The following ACAD11 variants were observed in gnomAD, a reference collection of about 807,000 sequenced individuals.
ACAD11 encodes the protein acyl-Coenzyme A dehydrogenase family, member 11.
ACAD11 carries 83 observed loss-of-function variants against 102.2 expected under a neutral mutation model. The observed-to-expected ratio is 0.81, with a 90% CI of 0.68 to 0.97. ACAD11 has a LOEUF of 0.97. Ranked by LOEUF, ACAD11 falls within the 50% of genes least tolerant of loss-of-function variation. The pLI, the probability that ACAD11 is intolerant of heterozygous loss-of-function variation, is 0.00. For missense variants in ACAD11, 901 were observed against 951.7 expected, an observed-to-expected ratio of 0.95 and a Z score of 0.70; for synonymous variants, 324 against 319.8, an observed-to-expected ratio of 1.01 and a Z score of -0.14.
At chr3:132,637,188 AAATAAT>A (rs886842715) in intron 5 of ACAD11, among the ~76,000 whole-genome samples, 19 of 152,248 alleles carry the variant, frequency 1.2e-4, no homozygotes, top group Admixed American at 9.2e-4. Context: ...ATAAAAAGTA[AAATAAT>A]AATAATAATG....
chr3:132,635,381 C>T (rs1256771976), intron 5 of ACAD11, among the ~76,000 whole-genome samples: 1 of 151,998 alleles, frequency 6.6e-6, no homozygotes, highest in East Asian at 1.9e-4. Context: ...AACTGCAGAC[C>T]CCATTTGGGT....
chr3:132,644,680 A>G (rs1940651476), intron 2 of ACAD11, 117 bp downstream of exon 2: 1 of 439,790 alleles, frequency 2.3e-6, no homozygotes, highest in Non-Finnish European at 3.9e-6. Context: ...TAGAAATAAA[A>G]TATATTTTAT....
At chr3:132,636,406 C>A (rs559774836) in intron 5 of ACAD11, among the ~76,000 whole-genome samples, 1 of 152,044 alleles carries the variant, frequency 6.6e-6, no homozygotes, top group East Asian at 1.9e-4. Context: ...ACTTTTTACA[C>A]CATTGAATTT....
At chr3:132,658,790 C>G (rs147355833) in intron 1 of ACAD11, among the ~76,000 whole-genome samples, 2 of 152,122 alleles carry the variant, frequency 1.3e-5, no homozygotes, top group Admixed American at 1.3e-4. Context: ...ACCACTAGCA[C>G]ACTATGTTGT....
chr3:132,574,058 C>T (rs1937456637), intron 17 of ACAD11, among the ~76,000 whole-genome samples: 1 of 152,212 alleles, frequency 6.6e-6, no homozygotes, highest in South Asian at 2.1e-4. Context: ...AAAAGCCAGG[C>T]TTGCTCTGCA....
chr3:132,620,903 CA>C (rs1312153283), intron 9 of ACAD11, among the ~76,000 whole-genome samples: 1 of 152,142 alleles, frequency 6.6e-6, no homozygotes, highest in Non-Finnish European at 1.5e-5. Context: ...AATTTGAAAA[CA>C]GTTACTCTGT....
intron 13 of ACAD11, among the ~76,000 whole-genome samples, chr3:132,585,332 C>T (rs1344355718): frequency 1.3e-5 from 2 of 152,136 alleles, no homozygotes; most frequent in African/African-American, 2.4e-5. Context: ...ACACCTTATA[C>T]AAAAATTAAT....
At chr3:132,581,027 A>G (rs991501781) in intron 13 of ACAD11, among the ~76,000 whole-genome samples, 1 of 152,018 alleles carries the variant, frequency 6.6e-6, no homozygotes, top group Admixed American at 6.6e-5. Context: ...AGAACTGAAG[A>G]AAAACATCTT....
In ACAD11 at chr3:132,603,223, A is replaced by G. The variant is rs1230150897; in HGVS notation, c.1621+6T>C. On this transcript the variant is annotated splice_donor_region_variant and intron_variant, in intron 13 of 19. Coordinates refer to ENST00000264990, the MANE Select transcript of ACAD11 (RefSeq NM_032169.5). Reference sequence around the variant, plus strand: ...GTTAGGTGAAAAAATTAGGCTGAACACTCACCACTGCTCCACCATTTTTTG... The same window carrying G: ...GTTAGGTGAAAAAATTAGGCTGAACGCTCACCACTGCTCCACCATTTTTTG... 1 of 1,612,652 alleles carries G rather than the reference A, an allele frequency of 6.2e-7. No homozygotes were observed. Among genetic ancestry groups the G allele is most frequent in the Non-Finnish European group, 8.5e-7 (1 of 1,178,802 alleles).
intron 17 of ACAD11, among the ~76,000 whole-genome samples, chr3:132,563,183 A>T (rs1323508171): frequency 5.3e-5 from 8 of 152,228 alleles, no homozygotes; most frequent in Non-Finnish European, 8.8e-5. Flanking sequence ...CCAAAGATCT[A>T]CATGCCTTTT....
chr3:132,613,446 A>G (rs1939257908), intron 11 of ACAD11, among the ~76,000 whole-genome samples: 1 of 151,940 alleles, frequency 6.6e-6, no homozygotes, highest in Admixed American at 6.6e-5. Flanking sequence ...GAAAACCAGC[A>G]CAAGACAAAG....
At chr3:132,603,098 TG>T in intron 13 of ACAD11, 130 bp downstream of exon 13, 1 of 791,802 alleles carries the variant, frequency 1.3e-6, no homozygotes, top group Non-Finnish European at 2.0e-6. Context: ...CCACCGCACC[TG>T]GCCTACACAT....
intron 12 of ACAD11, among the ~76,000 whole-genome samples, chr3:132,604,862 C>T (rs1938769803): frequency 6.6e-6 from 1 of 152,162 alleles, no homozygotes; most frequent in African/African-American, 2.4e-5. Flanking sequence ...GCTACTAATG[C>T]TATAGCAGGC....
intron 1 of ACAD11, among the ~76,000 whole-genome samples, chr3:132,651,949 G>A (rs1160878346): frequency 1.3e-5 from 2 of 152,112 alleles, no homozygotes; most frequent in South Asian, 4.1e-4. Flanking sequence ...GACTTTGGAC[G>A]GTGGACTTTT....
At chr3:132,582,747 T>C (rs1231753670) in intron 13 of ACAD11, among the ~76,000 whole-genome samples, 1 of 151,936 alleles carries the variant, frequency 6.6e-6, no homozygotes, top group Non-Finnish European at 1.5e-5. Context: ...GAAGGCAGTG[T>C]GCCTAAAATG....
At chr3:132,642,555 A>G in intron 3 of ACAD11, 122 bp downstream of exon 3, 2 of 1,136,072 alleles carry the variant, frequency 1.8e-6, no homozygotes, top group Non-Finnish European at 1.2e-6. Flanking sequence ...TTGCAATGCA[A>G]TCTAATTACC....
intron 7 of ACAD11, 23 bp from the exon 8 acceptor site, chr3:132,628,469 TA>T (rs1559966433): frequency 6.7e-7 from 1 of 1,493,566 alleles, no homozygotes; most frequent in Admixed American, 1.9e-5. Flanking sequence ...ATAGAACAAT[TA>T]AAATTCATTG....
In ACAD11 at chr3:132,568,853, A is replaced by G. The variant is rs1174152351; in HGVS notation, c.2001+6919T>C. Among the ~76,000 whole-genome samples the G allele has an allele frequency of 2.0e-5, 3 of 151,660 alleles. No homozygotes were observed. The East Asian group carries it at 5.8e-4, about 29-fold the overall frequency. ...GAAGCTTGACCTAAGTTTCATACAAAAGTTAACTCAAAATGTAAGCAGACA... is the reference window on the plus strand; with the variant it reads ...GAAGCTTGACCTAAGTTTCATACAAGAGTTAACTCAAAATGTAAGCAGACA... On this transcript the variant is annotated intron_variant, in intron 17 of 19. Coordinates refer to ENST00000264990, the MANE Select transcript of ACAD11 (RefSeq NM_032169.5).
chr3:132,563,219 T>G (rs1937114305), intron 17 of ACAD11, among the ~76,000 whole-genome samples: 1 of 152,224 alleles, frequency 6.6e-6, no homozygotes, highest in African/African-American at 2.4e-5. Flanking sequence ...TAGTTTAGAG[T>G]AAGTCTTAAG....
Sources: gnomAD v4.1 joint callset for allele counts (sites outside exome capture counted in the v4.1 genomes callset) on GRCh38, gnomAD v4.1.1 for gene constraint, MANE v1.5 for transcripts, NCBI Gene and HGNC (gene_info 2026-07-23, HGNC 2026-07-21) for gene names.